CEP112: variants seen among roughly 807,000 people sequenced by gnomAD.
CEP112 encodes the protein centrosomal protein 112.
CEP112 carries 127 observed loss-of-function variants against 153.0 expected under a neutral mutation model. The observed-to-expected ratio is 0.83, with a 90% CI of 0.72 to 0.96. CEP112 has a LOEUF of 0.96. Ranked by LOEUF, CEP112 falls within the 40% of genes least tolerant of loss-of-function variation. The pLI is 0.00. For synonymous variants in CEP112, 358 were observed against 374.4 expected, an observed-to-expected ratio of 0.96 and a Z score of 0.51; for missense variants, 1,089 against 1,101.2, an observed-to-expected ratio of 0.99 and a Z score of 0.16.
At chr17:65,958,461 G>T (rs1377857592) in intron 18 of CEP112, among the ~76,000 whole-genome samples, 1 of 148,746 alleles carries the variant, frequency 6.7e-6, no homozygotes, top group Admixed American at 6.8e-5. Context: ...GTTGGGGAAG[G>T]TCCCTGCTGC....
At chr17:66,189,204 A>G (rs921134347) in intron 1 of CEP112, among the ~76,000 whole-genome samples, 2 of 152,214 alleles carry the variant, frequency 1.3e-5, no homozygotes, top group Admixed American at 6.5e-5. Context: ...CCAACTAATT[A>G]AAAAGTATTT....
chr17:65,644,329 A>G, intron 24 of CEP112: 1 of 569,454 alleles, frequency 1.8e-6, no homozygotes, highest in Non-Finnish European at 3.1e-6. Context: ...GAGTGCCAAG[A>G]TGGTGAAGCC....
In CEP112 at chr17:66,085,706, C is replaced by T. The variant is rs28577868; in HGVS notation, c.768+10545G>A. On this transcript the variant is annotated intron_variant, in intron 8 of 26. Transcript: ENST00000535342. ...AAAAAGCAATGAAATGGGCTGAGCA[C>T]GGTGGCTCACGCCTGTAATCCCAGC... is the stretch of plus-strand genomic sequence containing the variant. Among the ~76,000 whole-genome samples the T allele has an allele frequency of 6.2e-3, 947 of 152,230 alleles. 9 individuals carry two copies. The highest frequency in any genetic ancestry group is 0.022 in the African/African-American group (904 of 41,542).
At chr17:65,675,544 T>C (rs2047189468) in intron 24 of CEP112, among the ~76,000 whole-genome samples, 1 of 152,180 alleles carries the variant, frequency 6.6e-6, no homozygotes, top group African/African-American at 2.4e-5. Flanking sequence ...ATCAACTTGA[T>C]ACAAATTCTT....
intron 12 of CEP112, among the ~76,000 whole-genome samples, chr17:66,045,552 T>A (rs570350440): frequency 6.6e-6 from 1 of 152,176 alleles, no homozygotes; most frequent in South Asian, 2.1e-4. Flanking sequence ...TCTCAATCCA[T>A]GTGAAATCAA....
At chr17:65,907,536 G>C (rs2060128462) in intron 19 of CEP112, among the ~76,000 whole-genome samples, 1 of 152,102 alleles carries the variant, frequency 6.6e-6, no homozygotes, top group Non-Finnish European at 1.5e-5. Context: ...GCTCAGGCTT[G>C]TCTGCTAAGT....
chr17:65,682,318 C>T (rs1241522369), intron 24 of CEP112, among the ~76,000 whole-genome samples: 1 of 152,128 alleles, frequency 6.6e-6, no homozygotes, highest in African/African-American at 2.4e-5. Context: ...AATGCATCTT[C>T]ACATTTACCC....
intron 18 of CEP112, among the ~76,000 whole-genome samples, chr17:65,953,393 G>A (rs546961519): frequency 3.3e-4 from 50 of 152,170 alleles, no homozygotes; most frequent in Middle Eastern, 3.2e-3. Flanking sequence ...GACTCACATC[G>A]TGAACTTTGG....
intron 18 of CEP112, among the ~76,000 whole-genome samples, chr17:65,930,755 C>G (rs985430404): frequency 6.6e-5 from 10 of 152,300 alleles, no homozygotes; most frequent in Admixed American, 5.9e-4. Context: ...AATCTGTCCT[C>G]GGCAATCCAG....
intron 21 of CEP112, among the ~76,000 whole-genome samples, chr17:65,789,105 T>A (rs899146721): frequency 6.6e-6 from 1 of 152,206 alleles, no homozygotes; most frequent in African/African-American, 2.4e-5. Flanking sequence ...CTCTGTGATG[T>A]CCCAAAGGCA....
intron 21 of CEP112, among the ~76,000 whole-genome samples, chr17:65,836,994 G>A (rs953447772): frequency 2.0e-5 from 3 of 152,202 alleles, no homozygotes; most frequent in Non-Finnish European, 4.4e-5. Flanking sequence ...TGGTGGAGAC[G>A]GGGTTTCGCC....
chr17:65,683,705 C>G (rs1308706535), intron 24 of CEP112, among the ~76,000 whole-genome samples: 1 of 152,182 alleles, frequency 6.6e-6, no homozygotes, highest in Admixed American at 6.5e-5. Context: ...TGCTTGCATT[C>G]TTTCTGCATA....
rs2046017515 is a variant in CEP112, at chr17:65,655,480, A to G, written c.2698-14415T>C. The G allele has an allele frequency of 6.2e-6, 5 of 800,094 alleles. 1 individual carries two copies. In the South Asian group the frequency reaches 7.7e-5, roughly 12 times the overall value. The allele number at this position is 800,094 out of a possible 1,614,324, so 49.6% of individuals were successfully genotyped here. A position where few individuals can be genotyped will look rare whatever the true frequency, so the allele number is the denominator to read the frequency against. ...GCCACAGTGTTTATGTACTCTTAGC[A>G]GCTCACAGAATAATACATGTTGACT... On this transcript the variant is annotated intron_variant, in intron 24 of 26. Transcript: ENST00000535342.
At chr17:65,754,202 G>A (rs1357342666) in intron 21 of CEP112, among the ~76,000 whole-genome samples, 1 of 152,184 alleles carries the variant, frequency 6.6e-6, no homozygotes, top group East Asian at 1.9e-4. Flanking sequence ...AGAGGGTGAC[G>A]TATGAACAAA....
intron 1 of CEP112, among the ~76,000 whole-genome samples, chr17:66,188,241 A>C (rs1005342295): frequency 6.6e-6 from 1 of 151,870 alleles, no homozygotes; most frequent in African/African-American, 2.4e-5. Flanking sequence ...AGTTAGGCAT[A>C]CAAGTACCTT....
chr17:65,988,626 T>C (rs1390198171), intron 17 of CEP112, among the ~76,000 whole-genome samples: 2 of 152,214 alleles, frequency 1.3e-5, no homozygotes, highest in Non-Finnish European at 2.9e-5. Flanking sequence ...ATACATTTGC[T>C]GAACTGAAAA....
chr17:65,868,436 G>A (rs185320341), intron 20 of CEP112, among the ~76,000 whole-genome samples: 2 of 151,646 alleles, frequency 1.3e-5, no homozygotes, highest in South Asian at 2.1e-4. Flanking sequence ...GGAGATAAAG[G>A]TTGCAGCAAG....
chr17:66,132,545 C>T (rs1012922573), intron 5 of CEP112, 125 bp downstream of exon 5: 2 of 714,008 alleles, frequency 2.8e-6, no homozygotes, highest in African/African-American at 3.5e-5. Flanking sequence ...GGATGTTCAC[C>T]AGAATCATCC....
intron 24 of CEP112, among the ~76,000 whole-genome samples, chr17:65,645,318 C>T (rs2045373681): frequency 6.6e-6 from 1 of 152,140 alleles, no homozygotes; most frequent in South Asian, 2.1e-4. Context: ...ATCTTCCTGC[C>T]TCAGCCTCCT....
Sources: allele counts gnomAD v4.1 joint callset (sites outside exome capture counted in the v4.1 genomes callset), GRCh38; gene constraint gnomAD v4.1.1; transcripts MANE v1.5; gene names NCBI Gene and HGNC (gene_info 2026-07-23, HGNC 2026-07-21).